The following SAMD5 variants were observed in gnomAD, a reference collection of about 807,000 sequenced individuals.
SAMD5 encodes the protein sterile alpha motif domain containing 5.
In SAMD5, 13 loss-of-function variants were observed where a neutral mutation model predicts 11.3. The ratio of observed to expected loss-of-function variants is 1.15; its 90% CI spans 0.75 to 1.83. The LOEUF (loss-of-function observed/expected upper bound fraction) is 1.83. Ranked by LOEUF, SAMD5 falls within the 40% of genes most tolerant of loss-of-function variation. The pLI, the probability that SAMD5 is intolerant of heterozygous loss-of-function variation, is 0.00. For missense variants in SAMD5, 255 were observed against 239.1 expected, an observed-to-expected ratio of 1.07 and a Z score of -0.44; for synonymous variants, 129 against 111.3, an observed-to-expected ratio of 1.16 and a Z score of -1.00.
chr6:147,515,176 G>GTTTTTTTTTTTTTTTTTT (rs71031029), intron 1 of SAMD5, among the ~76,000 whole-genome samples: 4 of 75,036 alleles, frequency 5.3e-5, no homozygotes, highest in Admixed American at 1.9e-4. Flanking sequence ...ATCCTTCCAG[G>GTTTTTTTTTTTTTTTTTT]TTTTTTTTTT....
At chr6:147,915,967 C>T in the SAMD5 span, among the ~76,000 whole-genome samples, 5 of 144,700 alleles carry the variant, frequency 3.5e-5, no homozygotes, top group Admixed American at 7.3e-5. Flanking sequence ...TGTTCTCACT[C>T]GTCAATTCCC....
At chr6:147,629,996 C>T (rs532252130) in intron 1 of SAMD5, among the ~76,000 whole-genome samples, 7 of 145,472 alleles carry the variant, frequency 4.8e-5, no homozygotes, top group African/African-American at 1.5e-4. Context: ...GTTGCCCAGG[C>T]TGTGGTGCAA....
chr6:147,707,784 T>A (rs1049309241), intron 1 of SAMD5, among the ~76,000 whole-genome samples: 1 of 152,128 alleles, frequency 6.6e-6, no homozygotes, highest in African/African-American at 2.4e-5. Context: ...CAGTGTGCTT[T>A]TGTTTACCTT....
chr6:147,860,503 T>C, the SAMD5 span, among the ~76,000 whole-genome samples: 1 of 152,218 alleles, frequency 6.6e-6, no homozygotes, highest in African/African-American at 2.4e-5. Flanking sequence ...TGTATTGATA[T>C]TCATAAAGAT....
At chr6:147,650,012 C>G (rs899528172) in intron 1 of SAMD5, among the ~76,000 whole-genome samples, 2 of 152,170 alleles carry the variant, frequency 1.3e-5, no homozygotes. Context: ...CATCTGGACA[C>G]TTTGGAGAGT....
the SAMD5 span, among the ~76,000 whole-genome samples, chr6:147,906,564 A>G: frequency 6.6e-6 from 1 of 152,230 alleles, no homozygotes; most frequent in African/African-American, 2.4e-5. Flanking sequence ...TTATTCTTGA[A>G]GAATGCCCTT....
intron 1 of SAMD5, among the ~76,000 whole-genome samples, chr6:147,692,931 A>G (rs1454645548): frequency 6.6e-6 from 1 of 152,216 alleles, no homozygotes. Flanking sequence ...AAGTTCAGAA[A>G]ATCATCGTAT....
intron 1 of SAMD5, among the ~76,000 whole-genome samples, chr6:147,686,113 T>A (rs921649627): frequency 2.0e-5 from 3 of 152,242 alleles, no homozygotes; most frequent in Non-Finnish European, 4.4e-5. Flanking sequence ...AAGTATCTAT[T>A]CATATATTTT....
At chr6:147,863,177 G>A in the SAMD5 span, among the ~76,000 whole-genome samples, 1 of 152,166 alleles carries the variant, frequency 6.6e-6, no homozygotes, top group Non-Finnish European at 1.5e-5. Context: ...AATATTTCTT[G>A]ACATACTGGA....
At chr6:147,811,005 T>A in the SAMD5 span, among the ~76,000 whole-genome samples, 1 of 152,204 alleles carries the variant, frequency 6.6e-6, no homozygotes, top group Non-Finnish European at 1.5e-5. Flanking sequence ...GACAAGGTGC[T>A]ATGTGTTGCT....
intron 1 of SAMD5, among the ~76,000 whole-genome samples, chr6:147,598,164 G>A (rs1789561055): frequency 6.7e-6 from 1 of 150,146 alleles, no homozygotes; most frequent in Non-Finnish European, 1.5e-5. Context: ...TGGCTCTGTT[G>A]CCCGAGCTGG....
chr6:147,771,843 G>A, the SAMD5 span, among the ~76,000 whole-genome samples: 1 of 152,116 alleles, frequency 6.6e-6, no homozygotes. Context: ...TAACTTAAAT[G>A]ACTCCAAGAT....
intron 1 of SAMD5, among the ~76,000 whole-genome samples, chr6:147,527,477 G>T (rs571129068): frequency 1.3e-5 from 2 of 152,116 alleles, no homozygotes; most frequent in Non-Finnish European, 2.9e-5. Flanking sequence ...GTCCACTGCC[G>T]TATTCAGTCA....
chr6:147,546,832 C>T (rs1489349257), intron 1 of SAMD5, among the ~76,000 whole-genome samples: 1 of 152,198 alleles, frequency 6.6e-6, no homozygotes, highest in Non-Finnish European at 1.5e-5. Context: ...TCCCCATTCC[C>T]TTCTGCCCTA....
chr6:147,748,867 C>T, the SAMD5 span, among the ~76,000 whole-genome samples: 1 of 152,152 alleles, frequency 6.6e-6, no homozygotes, highest in Non-Finnish European at 1.5e-5. Flanking sequence ...ATAGAACCAA[C>T]CCTATATATG....
At chr6:147,843,951 G>T in the SAMD5 span, among the ~76,000 whole-genome samples, 1 of 152,060 alleles carries the variant, frequency 6.6e-6, no homozygotes, top group Non-Finnish European at 1.5e-5. Flanking sequence ...TCTTGAATAT[G>T]ACCCCAAAAG....
At chr6:147,915,295 T>C in the SAMD5 span, among the ~76,000 whole-genome samples, 2 of 152,346 alleles carry the variant, frequency 1.3e-5, no homozygotes, top group South Asian at 4.1e-4. Context: ...TGATACATAA[T>C]TTCTGTATTT....
the SAMD5 span, among the ~76,000 whole-genome samples, chr6:147,928,634 T>G: frequency 6.6e-6 from 1 of 152,168 alleles, no homozygotes; most frequent in Non-Finnish European, 1.5e-5. Flanking sequence ...ATTGATATGT[T>G]GAATGGTTTT....
At chr6:147,763,764 A>G in the SAMD5 span, among the ~76,000 whole-genome samples, 1 of 151,612 alleles carries the variant, frequency 6.6e-6, no homozygotes, top group Non-Finnish European at 1.5e-5. Flanking sequence ...TTGTATTTTT[A>G]GTAGAGACGG....
Sources: allele counts gnomAD v4.1 joint callset (sites outside exome capture counted in the v4.1 genomes callset), GRCh38; gene constraint gnomAD v4.1.1; transcripts MANE v1.5; gene names NCBI Gene and HGNC (gene_info 2026-07-23, HGNC 2026-07-21).